The following DENND1A variants were observed in gnomAD, a reference collection of about 807,000 sequenced individuals.
The protein encoded by DENND1A is DENN domain containing 1A.
A neutral mutation model predicts 113.7 loss-of-function variants in DENND1A; 51 were observed. That is an observed-to-expected ratio of 0.45 (90% CI 0.36 to 0.57). The LOEUF (loss-of-function observed/expected upper bound fraction) is 0.57, where lower values mean the gene tolerates loss of function less well. Ranked by LOEUF, DENND1A falls within the 20% of genes least tolerant of loss-of-function variation. DENND1A has a pLI of 0.00. For missense variants in DENND1A, 1,258 were observed against 1,395.9 expected (o/e 0.90, Z 1.57); for synonymous variants, 565 against 570.8 (o/e 0.99, Z 0.14).
intron 19 of DENND1A, chr9:123,413,385 G>A (rs962980419): frequency 2.6e-5 from 25 of 979,294 alleles, no homozygotes; most frequent in Non-Finnish European, 2.8e-5. Flanking sequence ...TGTGACTCCC[G>A]TATGAAGCTC....
rs1850772050 is a variant in DENND1A, at chr9:123,896,415, A to C, written c.18-17394T>G. On this transcript the variant is annotated intron_variant, in intron 1 of 23. Transcript: ENST00000394215. ...CTTCAGGACACTAACAAAATATGTA[A>C]ACCTTCTCTGGAAAAATCCACTTCA... 2.0e-5 allele frequency among the ~76,000 whole-genome samples: 3 copies of C among 152,156 alleles called. No individual in the cohort carries two copies. In the South Asian group the frequency reaches 6.2e-4, roughly 31 times the overall value.
chr9:123,401,391 T>C, intron 21 of DENND1A: 2 of 760,190 alleles, frequency 2.6e-6, no homozygotes, highest in Non-Finnish European at 3.3e-6. Context: ...ACACCCGGGT[T>C]GCACTAGAAA....
intron 21 of DENND1A, among the ~76,000 whole-genome samples, chr9:123,399,388 T>C (rs966320901): frequency 6.6e-5 from 10 of 152,078 alleles, no homozygotes; most frequent in African/African-American, 1.7e-4. Context: ...TTTTTTGAGA[T>C]AGGGTCTCGC....
Position 123,694,175 on chromosome 9 carries a change from C to G in DENND1A, c.303-17386G>C, listed in dbSNP as rs191721329. Among the ~76,000 whole-genome samples the G allele has an allele frequency of 5.3e-5, 8 of 152,200 alleles. No homozygotes were observed. In the East Asian group the frequency reaches 1.4e-3, roughly 26 times the overall value. Reference sequence around the variant, plus strand: ...CACTAACAAATTATTTGTGAAACATCTCACAAGTGAGTGAAATAAACCAAG... The same window carrying G: ...CACTAACAAATTATTTGTGAAACATGTCACAAGTGAGTGAAATAAACCAAG... On this transcript the variant is annotated intron_variant, in intron 5 of 23. Transcript: ENST00000394215.
At chr9:123,683,995 T>C (rs2064643053) in intron 5 of DENND1A, among the ~76,000 whole-genome samples, 1 of 152,226 alleles carries the variant, frequency 6.6e-6, no homozygotes, top group South Asian at 2.1e-4. Flanking sequence ...GCAAATGTCC[T>C]GCTGGAGTCT....
chr9:123,913,055 A>AAG (rs1423355154), intron 1 of DENND1A, among the ~76,000 whole-genome samples: 1 of 151,650 alleles, frequency 6.6e-6, no homozygotes, highest in Non-Finnish European at 1.5e-5. Context: ...AAAAGCAAAG[A>AAG]AGAGCAGCCT....
intron 2 of DENND1A, among the ~76,000 whole-genome samples, chr9:123,812,446 T>A (rs10986111): frequency 0.072 from 10,947 of 151,182 alleles, 580 homozygotes; most frequent in African/African-American, 0.15. Context: ...AAAAAAAAGA[T>A]GCTATGAACA....
At chr9:123,904,943 A>C (rs1852473829) in intron 1 of DENND1A, among the ~76,000 whole-genome samples, 1 of 152,248 alleles carries the variant, frequency 6.6e-6, no homozygotes, top group Non-Finnish European at 1.5e-5. Context: ...AAAAATGTTA[A>C]GGGCAGCCAG....
chr9:123,465,097 C>T (rs948113241), intron 13 of DENND1A, among the ~76,000 whole-genome samples: 10 of 150,836 alleles, frequency 6.6e-5, no homozygotes, highest in Non-Finnish European at 1.5e-4. Context: ...AGGAGAATCG[C>T]TTGAACCCGG....
chr9:123,567,094 T>C (rs2058096582), intron 12 of DENND1A, among the ~76,000 whole-genome samples: 1 of 152,190 alleles, frequency 6.6e-6, no homozygotes, highest in South Asian at 2.1e-4. Flanking sequence ...CATGTATGCA[T>C]ACACATACAC....
At chr9:123,921,395 T>C (rs1447051816) in intron 1 of DENND1A, among the ~76,000 whole-genome samples, 3 of 152,200 alleles carry the variant, frequency 2.0e-5, no homozygotes, top group African/African-American at 7.2e-5. Context: ...AGTACTCCAA[T>C]GCTCACATAC....
chr9:123,414,260 A>G (rs554935715), intron 19 of DENND1A: 2 of 1,300,138 alleles, frequency 1.5e-6, no homozygotes, highest in South Asian at 1.8e-5. Flanking sequence ...GGAAGATTCA[A>G]CGAGATGATG....
At chr9:123,837,969 T>C (rs929713135) in intron 2 of DENND1A, among the ~76,000 whole-genome samples, 1 of 152,180 alleles carries the variant, frequency 6.6e-6, no homozygotes, top group Non-Finnish European at 1.5e-5. Context: ...AAATTAAAAA[T>C]ACGAAACAAC....
intron 1 of DENND1A, among the ~76,000 whole-genome samples, chr9:123,897,462 G>A (rs1388122495): frequency 6.6e-6 from 1 of 152,208 alleles, no homozygotes; most frequent in Non-Finnish European, 1.5e-5. Flanking sequence ...GCCTTAAGAG[G>A]ATAGGGCAAA....
chr9:123,444,928 T>C (rs1439100688), intron 18 of DENND1A, among the ~76,000 whole-genome samples: 1 of 152,142 alleles, frequency 6.6e-6, no homozygotes, highest in African/African-American at 2.4e-5. Flanking sequence ...CAGAGCTACA[T>C]ATCAGGGGCC....
At chr9:123,639,563 A>C (rs1370609693) in intron 9 of DENND1A, among the ~76,000 whole-genome samples, 1 of 151,576 alleles carries the variant, frequency 6.6e-6, no homozygotes, top group Non-Finnish European at 1.5e-5. Flanking sequence ...AGATCACCTG[A>C]GGTTGGGAGT....
At chr9:123,654,918 C>T (rs900070431) in intron 8 of DENND1A, among the ~76,000 whole-genome samples, 3 of 152,166 alleles carry the variant, frequency 2.0e-5, no homozygotes, top group Non-Finnish European at 4.4e-5. Context: ...AGGGAGCACT[C>T]GCAGTTCCCA....
intron 19 of DENND1A, chr9:123,437,533 C>T (rs1055257359): frequency 6.6e-6 from 1 of 152,258 alleles, no homozygotes; most frequent in African/African-American, 2.4e-5. Context: ...GAAACACAGA[C>T]CCAAGGCGAG....
chr9:123,722,417 C>T (rs995151245), intron 5 of DENND1A, among the ~76,000 whole-genome samples: 1 of 152,206 alleles, frequency 6.6e-6, no homozygotes, highest in Non-Finnish European at 1.5e-5. Flanking sequence ...CAGAAATTTG[C>T]ATAAACGAGG....
Sources: gnomAD v4.1 joint callset for allele counts (sites outside exome capture counted in the v4.1 genomes callset) on GRCh38, gnomAD v4.1.1 for gene constraint, MANE v1.5 for transcripts, NCBI Gene and HGNC (gene_info 2026-07-23, HGNC 2026-07-21) for gene names.